The following XPR1 variants were observed in gnomAD, a reference collection of about 807,000 sequenced individuals.
XPR1 encodes xenotropic and polytropic retrovirus receptor 1.
XPR1 carries 28 observed loss-of-function variants against 87.5 expected under a neutral mutation model. That is an observed-to-expected ratio of 0.32 (90% CI 0.24 to 0.44). The LOEUF (loss-of-function observed/expected upper bound fraction) is 0.44, where lower values mean the gene tolerates loss of function less well. XPR1 is among the 20% of genes least tolerant of loss of function. The probability of loss-of-function intolerance (pLI) is 1.00; values close to 1 mark genes in which losing one functional copy is unlikely to be tolerated. For synonymous variants in XPR1, 300 were observed against 306.1 expected (o/e 0.98, Z 0.21); for missense variants, 559 against 862.3 (o/e 0.65, Z 4.41).
chr1:180,639,696 T>A (rs765603368), intron 1 of XPR1, among the ~76,000 whole-genome samples: 1 of 152,074 alleles, frequency 6.6e-6, no homozygotes, highest in East Asian at 1.9e-4. Context: ...TACCTTAGAG[T>A]AGTGGCTCTC....
intron 11 of XPR1, among the ~76,000 whole-genome samples, chr1:180,857,910 A>G (rs1464573896): frequency 2.0e-5 from 3 of 152,134 alleles, no homozygotes; most frequent in Non-Finnish European, 4.4e-5. Flanking sequence ...CCTATGTACT[A>G]TTTTTATTAT....
chr1:180,864,696 CAAG>C (rs1652329896), intron 12 of XPR1, among the ~76,000 whole-genome samples: 1 of 151,956 alleles, frequency 6.6e-6, no homozygotes, highest in African/African-American at 2.4e-5. Context: ...AATAAAAAGA[CAAG>C]AGGGGCTGAA....
chr1:180,829,409 G>A (rs1328483480), intron 9 of XPR1, among the ~76,000 whole-genome samples: 1 of 152,150 alleles, frequency 6.6e-6, no homozygotes, highest in Non-Finnish European at 1.5e-5. Flanking sequence ...AGAGAAGGAG[G>A]AGTGAGTTAC....
intron 2 of XPR1, among the ~76,000 whole-genome samples, chr1:180,757,338 C>G (rs1647786716): frequency 6.6e-6 from 1 of 152,066 alleles, no homozygotes; most frequent in African/African-American, 2.4e-5. Context: ...AATCCTTCTG[C>G]CTCTACAATA....
intron 1 of XPR1, among the ~76,000 whole-genome samples, chr1:180,674,380 T>G (rs1656293151): frequency 6.6e-6 from 1 of 152,164 alleles, no homozygotes; most frequent in Non-Finnish European, 1.5e-5. Flanking sequence ...TGCCTCAGCC[T>G]CCTGAGTAGC....
chr1:180,833,516 CA>C (rs960033709), intron 9 of XPR1, among the ~76,000 whole-genome samples: 1 of 149,214 alleles, frequency 6.7e-6, no homozygotes, highest in Non-Finnish European at 1.5e-5. Flanking sequence ...AAAAAAAACA[CA>C]AAAAAAACAG....
At chr1:180,711,182 C>T (rs1657769475) in intron 2 of XPR1, among the ~76,000 whole-genome samples, 1 of 151,892 alleles carries the variant, frequency 6.6e-6, no homozygotes, top group Admixed American at 6.5e-5. Context: ...GGCGGCCAGG[C>T]AGAGACGCTC....
intron 3 of XPR1, among the ~76,000 whole-genome samples, chr1:180,789,468 C>T (rs1649298927): frequency 1.3e-5 from 2 of 152,158 alleles, no homozygotes; most frequent in South Asian, 4.1e-4. Flanking sequence ...TTTTTACTCC[C>T]CTACTCCTTT....
chr1:180,880,438 A>G (rs1652815356), intron 14 of XPR1, 141 bp downstream of exon 14: 3 of 844,310 alleles, frequency 3.6e-6, no homozygotes, highest in Non-Finnish European at 5.6e-6. Context: ...AAACAGTAAT[A>G]AGCAGCAATT....
At chr1:180,725,156 G>T (rs1658295589) in intron 2 of XPR1, among the ~76,000 whole-genome samples, 2 of 152,184 alleles carry the variant, frequency 1.3e-5, no homozygotes, top group Non-Finnish European at 2.9e-5. Context: ...GGTAATCTGT[G>T]AGGCATCTGG....
intron 3 of XPR1, among the ~76,000 whole-genome samples, chr1:180,802,936 C>G (rs1649846295): frequency 6.6e-6 from 1 of 152,142 alleles, no homozygotes; most frequent in Admixed American, 6.5e-5. Flanking sequence ...ATTTGTTCCT[C>G]AATTGATGGA....
At chr1:180,793,270 C>A (rs1385322275) in intron 3 of XPR1, among the ~76,000 whole-genome samples, 1 of 152,048 alleles carries the variant, frequency 6.6e-6, no homozygotes, top group Non-Finnish European at 1.5e-5. Flanking sequence ...TTCCTGTAAT[C>A]CTGTTTTACA....
chr1:180,821,407 A>G (rs1650622975), intron 7 of XPR1, among the ~76,000 whole-genome samples: 1 of 152,176 alleles, frequency 6.6e-6, no homozygotes. Context: ...CCATTCATCT[A>G]TATGTCTGTT....
At chr1:180,642,935 T>C (rs1655004368) in intron 1 of XPR1, among the ~76,000 whole-genome samples, 1 of 152,008 alleles carries the variant, frequency 6.6e-6, no homozygotes, top group African/African-American at 2.4e-5. Flanking sequence ...GTTAGAGTAA[T>C]AGAGAACAGA....
At chr1:180,721,241 A>G (rs1242732676) in intron 2 of XPR1, among the ~76,000 whole-genome samples, 1 of 151,938 alleles carries the variant, frequency 6.6e-6, no homozygotes, top group South Asian at 2.1e-4. Context: ...AAAAAAATCT[A>G]GAAGGAAATT....
intron 1 of XPR1, among the ~76,000 whole-genome samples, chr1:180,665,882 A>T (rs1655943775): frequency 6.6e-6 from 1 of 151,838 alleles, no homozygotes; most frequent in Non-Finnish European, 1.5e-5. Context: ...GTAGATAGTC[A>T]TTAAATTTGA....
intron 2 of XPR1, among the ~76,000 whole-genome samples, chr1:180,723,919 T>C (rs771113715): frequency 3.9e-5 from 6 of 152,192 alleles, no homozygotes; most frequent in Non-Finnish European, 8.8e-5. Flanking sequence ...CATTAGTGCT[T>C]TTCAGTCTTT....
intron 1 of XPR1, among the ~76,000 whole-genome samples, chr1:180,632,551 G>GT (rs1301601553): frequency 6.6e-6 from 1 of 152,242 alleles, no homozygotes; most frequent in African/African-American, 2.4e-5. Flanking sequence ...CCGGGGAACG[G>GT]TGGGAGGGTG....
intron 1 of XPR1, among the ~76,000 whole-genome samples, chr1:180,646,412 G>A (rs868331766): frequency 1.3e-5 from 2 of 150,484 alleles, no homozygotes; most frequent in East Asian, 1.9e-4. Context: ...TTTTTCTTTC[G>A]AAAAAGACTT....
Sources: allele counts gnomAD v4.1 joint callset (sites outside exome capture counted in the v4.1 genomes callset), GRCh38; gene constraint gnomAD v4.1.1; transcripts MANE v1.5; gene names NCBI Gene and HGNC (gene_info 2026-07-23, HGNC 2026-07-21).